The following GALNT13 variants were observed in gnomAD, a reference collection of about 807,000 sequenced individuals.
GALNT13 encodes the protein UDP-GalNAc:polypeptide N-acetylgalactosaminyltransferase 13.
In GALNT13, 28 loss-of-function variants were observed where a neutral mutation model predicts 64.2. The ratio of observed to expected loss-of-function variants is 0.44; its 90% CI spans 0.32 to 0.60. GALNT13 has a LOEUF of 0.60. Among genes scored for constraint, GALNT13 ranks in the 20% least tolerant of loss-of-function variants. The probability of loss-of-function intolerance (pLI) is 0.05; values close to 1 mark genes in which losing one functional copy is unlikely to be tolerated. For synonymous variants in GALNT13, 214 were observed against 224.6 expected, an observed-to-expected ratio of 0.95 and a Z score of 0.42; for missense variants, 577 against 669.8, an observed-to-expected ratio of 0.86 and a Z score of 1.53.
chr2:153,424,266 T>C, the GALNT13 span, among the ~76,000 whole-genome samples: 7 of 151,154 alleles, frequency 4.6e-5, no homozygotes, highest in Non-Finnish European at 8.9e-5. Context: ...AAAGCAAAAC[T>C]AGATGTTTAG....
At chr2:153,688,100 G>A in the GALNT13 span, among the ~76,000 whole-genome samples, 1 of 151,906 alleles carries the variant, frequency 6.6e-6, no homozygotes, top group Non-Finnish European at 1.5e-5. Flanking sequence ...TAGAATAGAG[G>A]TCAGCAAATC....
chr2:153,799,782 T>G, the GALNT13 span, among the ~76,000 whole-genome samples: 1 of 152,118 alleles, frequency 6.6e-6, no homozygotes, highest in African/African-American at 2.4e-5. Context: ...GTGCTACCAG[T>G]CTTTTTCCTT....
At chr2:153,115,163 A>G in the GALNT13 span, among the ~76,000 whole-genome samples, 3 of 152,114 alleles carry the variant, frequency 2.0e-5, no homozygotes, top group Non-Finnish European at 4.4e-5. Flanking sequence ...TTCAAACCCT[A>G]TAAAAAGTGA....
the GALNT13 span, among the ~76,000 whole-genome samples, chr2:153,744,199 G>T: frequency 1.3e-5 from 2 of 152,132 alleles, no homozygotes; most frequent in African/African-American, 4.8e-5. Context: ...GCCCAGCAGT[G>T]AGATTGCTGG....
At chr2:153,599,114 T>A in the GALNT13 span, among the ~76,000 whole-genome samples, 1 of 152,108 alleles carries the variant, frequency 6.6e-6, no homozygotes. Flanking sequence ...ACTATAATAA[T>A]ATTCTAGCAA....
intron 11 of GALNT13, among the ~76,000 whole-genome samples, chr2:154,416,237 G>A (rs904164778): frequency 6.6e-6 from 1 of 152,048 alleles, no homozygotes; most frequent in Non-Finnish European, 1.5e-5. Context: ...GAAATTTATT[G>A]TACACAGTTC....
chr2:154,241,453 C>T (rs1257560774), intron 4 of GALNT13, among the ~76,000 whole-genome samples: 1 of 152,142 alleles, frequency 6.6e-6, no homozygotes, highest in African/African-American at 2.4e-5. Context: ...TCCTGATCTC[C>T]AAAACATAGG....
chr2:153,978,061 G>A (rs577188748), intron 3 of GALNT13, among the ~76,000 whole-genome samples: 1 of 152,132 alleles, frequency 6.6e-6, no homozygotes, highest in Non-Finnish European at 1.5e-5. Context: ...TTCCAAAAAT[G>A]TTGTTTCATT....
At chr2:154,172,078 A>G (rs1396501670) in intron 4 of GALNT13, among the ~76,000 whole-genome samples, 1 of 151,918 alleles carries the variant, frequency 6.6e-6, no homozygotes, top group Non-Finnish European at 1.5e-5. Flanking sequence ...TTCCTGAAAA[A>G]TTGAGTTTCT....
chr2:153,309,500 A>T, the GALNT13 span, among the ~76,000 whole-genome samples: 1 of 150,020 alleles, frequency 6.7e-6, no homozygotes, highest in Non-Finnish European at 1.5e-5. Context: ...CTTTGGAAGA[A>T]GTTGATCAAT....
chr2:153,894,678 G>A (rs1386096571), intron 1 of GALNT13, among the ~76,000 whole-genome samples: 8 of 152,054 alleles, frequency 5.3e-5, no homozygotes, highest in Non-Finnish European at 1.2e-4. Context: ...AAGACAAAAT[G>A]ATGATTGATT....
At chr2:154,352,204 C>G (rs1265172315) in intron 9 of GALNT13, among the ~76,000 whole-genome samples, 3 of 152,128 alleles carry the variant, frequency 2.0e-5, no homozygotes, top group African/African-American at 7.2e-5. Flanking sequence ...CTGCCTCAAT[C>G]CCATTTCTTT....
chr2:154,254,044 A>G (rs1690233369), intron 7 of GALNT13, among the ~76,000 whole-genome samples: 2 of 152,284 alleles, frequency 1.3e-5, no homozygotes, highest in African/African-American at 2.4e-5. Context: ...TTGAGGGAGC[A>G]GGGGGACGGG....
At chr2:153,167,920 T>C in the GALNT13 span, among the ~76,000 whole-genome samples, 2 of 152,202 alleles carry the variant, frequency 1.3e-5, no homozygotes, top group Non-Finnish European at 2.9e-5. Flanking sequence ...AGACCGTAAG[T>C]GGTACAGCTA....
At chr2:153,757,066 T>C in the GALNT13 span, among the ~76,000 whole-genome samples, 1 of 152,184 alleles carries the variant, frequency 6.6e-6, no homozygotes, top group Non-Finnish European at 1.5e-5. Flanking sequence ...ATAATATTTG[T>C]ATACAATATG....
chr2:153,641,498 C>G, the GALNT13 span, among the ~76,000 whole-genome samples: 1 of 152,106 alleles, frequency 6.6e-6, no homozygotes, highest in East Asian at 1.9e-4. Context: ...CACTCATTCT[C>G]CCCATCCCAT....
At position 153,924,288 on chromosome 2, in the gene GALNT13, A is replaced by G. The variant is rs569303845; in HGVS notation, c.-104-20106A>G. Among the ~76,000 whole-genome samples the G allele has an allele frequency of 4.3e-4, 58 of 136,398 alleles. No homozygotes were observed. In the South Asian group the frequency reaches 0.013, roughly 30 times the overall value. The allele number at this position is 136,398 out of a possible 152,430, so 89.5% of individuals were successfully genotyped here. On this transcript the variant is annotated intron_variant, in intron 2 of 12. Transcript: ENST00000392825. ...TATGTGTTCTCATCCTTCAGCTTCC[A>G]CTTATAAATGAGAACATGTGATATT...
chr2:154,375,762 T>A (rs1231617664), intron 9 of GALNT13, among the ~76,000 whole-genome samples: 1 of 152,140 alleles, frequency 6.6e-6, no homozygotes, highest in Non-Finnish European at 1.5e-5. Flanking sequence ...GAGGGACTGT[T>A]TTTTTGCACG....
chr2:153,355,836 T>C, the GALNT13 span, among the ~76,000 whole-genome samples: 1 of 152,340 alleles, frequency 6.6e-6, no homozygotes, highest in South Asian at 2.1e-4. Context: ...TCATAATAAG[T>C]GCTCAGTAAA....
Sources: allele counts gnomAD v4.1 joint callset (sites outside exome capture counted in the v4.1 genomes callset), GRCh38; gene constraint gnomAD v4.1.1; transcripts MANE v1.5; gene names NCBI Gene and HGNC (gene_info 2026-07-23, HGNC 2026-07-21).